FBN2: variants seen among roughly 807,000 people sequenced by gnomAD.
FBN2 encodes fibrillin-2.
Under a neutral mutation model 355.6 loss-of-function variants are expected in FBN2, and 105 were observed. That is an observed-to-expected ratio of 0.30 (90% CI 0.25 to 0.35). The LOEUF is 0.35. Ranked by LOEUF, FBN2 falls within the 10% of genes least tolerant of loss-of-function variation. FBN2 has a pLI of 1.00. For missense variants in FBN2, 3,280 were observed against 3,758.7 expected (o/e 0.87, Z 3.33); for synonymous variants, 1,350 against 1,301.2 (o/e 1.04, Z -0.81).
At chr5:128,328,480 A>C in intron 34 of FBN2, 1 of 637,410 alleles carries the variant, frequency 1.6e-6, no homozygotes, top group Non-Finnish European at 2.8e-6. Context: ...CAAACTTCCA[A>C]CTACTGGCTC....
At chr5:128,398,702 T>C (rs1752713675) in intron 8 of FBN2, among the ~76,000 whole-genome samples, 1 of 152,158 alleles carries the variant, frequency 6.6e-6, no homozygotes, top group South Asian at 2.1e-4. Context: ...CCTGTGTACA[T>C]CTGATATGGT....
At position 128,330,632 on chromosome 5, in the gene FBN2, G is replaced by A. The variant is rs771467729; in HGVS notation, c.4286C>T (p.Pro1429Leu). ...GGAGCAGGCACAGCGGTATGAGCCC[G>A]GGGTATTTACACACTGAGCATTGAT... The part of the protein sequence containing the change: ...CSINAQCVNT[P>L]GSYRCACSEG... Residue 1429 changes from proline (P) to leucine (L), a missense_variant, in exon 33 of 65, where the codon CCG (proline) becomes CTG (leucine). By Grantham distance (98) the Pro-to-Leu change is moderately conservative. Transcript: ENST00000262464. The A allele has an allele frequency of 2.0e-5, 32 of 1,613,744 alleles. No homozygotes were observed. The highest frequency in any genetic ancestry group is 8.3e-5 in the Admixed American group (5 of 59,986).
intron 5 of FBN2, among the ~76,000 whole-genome samples, chr5:128,491,564 G>A (rs114604284): frequency 6.2e-4 from 95 of 152,288 alleles, no homozygotes; most frequent in African/African-American, 2.1e-3. Flanking sequence ...GTAAGCTTAC[G>A]GCTTTGACAC....
At chr5:128,533,863 A>C (rs76455801) in intron 2 of FBN2, among the ~76,000 whole-genome samples, 1 of 143,058 alleles carries the variant, frequency 7.0e-6, no homozygotes, top group Non-Finnish European at 1.5e-5. Flanking sequence ...TAAGAAGATT[A>C]AAAAAAAAAA....
At chr5:128,280,147 A>C in intron 56 of FBN2, 45 bp downstream of exon 56, 1 of 1,540,230 alleles carries the variant, frequency 6.5e-7, no homozygotes, top group East Asian at 2.3e-5. Flanking sequence ...CATCATGAAC[A>C]GATGTTTTAT....
chr5:128,450,111 T>C (rs924655913), intron 6 of FBN2, among the ~76,000 whole-genome samples: 5 of 152,094 alleles, frequency 3.3e-5, no homozygotes, highest in Non-Finnish European at 7.4e-5. Context: ...CATTCTTCTC[T>C]TAACTAAAAG....
chr5:128,321,910 T>C (rs1350028475), intron 34 of FBN2, among the ~76,000 whole-genome samples: 3 of 152,140 alleles, frequency 2.0e-5, no homozygotes, highest in African/African-American at 4.8e-5. Flanking sequence ...CTCCCACCAA[T>C]AGTGTAAAAG....
chr5:128,396,904 C>A (rs527612047), intron 8 of FBN2, among the ~76,000 whole-genome samples: 1 of 152,282 alleles, frequency 6.6e-6, no homozygotes, highest in East Asian at 1.9e-4. Flanking sequence ...ATTCCATTAA[C>A]AGGTAAAGTT....
At chr5:128,458,044 C>T (rs763794058) in intron 6 of FBN2, among the ~76,000 whole-genome samples, 4 of 152,010 alleles carry the variant, frequency 2.6e-5, no homozygotes, top group East Asian at 1.9e-4. Flanking sequence ...CAAGACCCAT[C>T]GGTGTGCGTG....
At chr5:128,518,414 C>A (rs1368770694) in intron 5 of FBN2, among the ~76,000 whole-genome samples, 1 of 152,056 alleles carries the variant, frequency 6.6e-6, no homozygotes, top group Non-Finnish European at 1.5e-5. Context: ...AGCATCCATC[C>A]CTCCACCCCT....
intron 34 of FBN2, among the ~76,000 whole-genome samples, chr5:128,319,461 A>G (rs1041251947): frequency 6.7e-6 from 1 of 149,644 alleles, no homozygotes; most frequent in African/African-American, 2.4e-5. Flanking sequence ...GAGATATTAA[A>G]ATTAACTTTT....
At chr5:128,497,932 A>G (rs542779324) in intron 5 of FBN2, among the ~76,000 whole-genome samples, 45 of 152,290 alleles carry the variant, frequency 3.0e-4, no homozygotes, top group East Asian at 7.7e-4. Flanking sequence ...CAACCAATTT[A>G]TCCCTTTCTG....
intron 1 of FBN2, 149 bp downstream of exon 1, chr5:128,537,201 G>GC (rs1227389797): frequency 2.0e-5 from 26 of 1,329,766 alleles, no homozygotes; most frequent in Non-Finnish European, 2.5e-5. Flanking sequence ...ACGCGCTCCT[G>GC]GGGGTCTTTG....
rs577800816 is a variant in FBN2 at position 128,310,171 on chromosome 5, T to C, written c.5075-63A>G. On this transcript the variant is annotated intron_variant, in intron 39 of 64. Coordinates refer to ENST00000262464, the MANE Select transcript of FBN2 (RefSeq NM_001999.4). ...ATTTTTTCAATGAATTTATATTACT[T>C]AGATGACTGAACAAAGCATAGGTGA... The C allele has an allele frequency of 1.8e-4, 248 of 1,378,386 alleles. 1 individual carries two copies. The African/African-American group carries it at 3.2e-3, about 18-fold the overall frequency. The allele number at this position is 1,378,386 out of a possible 1,614,324, so 85.4% of individuals were successfully genotyped here.
At chr5:128,530,775 A>T in intron 2 of FBN2, 82 bp from the exon 3 acceptor site, 2 of 926,610 alleles carry the variant, frequency 2.2e-6, no homozygotes, top group South Asian at 2.9e-5. Context: ...GTATTTAAAA[A>T]TAAAAAGCCT....
intron 7 of FBN2, among the ~76,000 whole-genome samples, chr5:128,438,695 G>A (rs932789222): frequency 1.3e-5 from 2 of 152,058 alleles, no homozygotes; most frequent in African/African-American, 4.8e-5. Context: ...ACATTGTTCC[G>A]GGGAGACAAG....
Position 128,408,681 on chromosome 5 carries a change from T to A in FBN2, c.1071A>T (p.Arg357=). 6.2e-7 allele frequency: 1 copy of A among 1,613,960 alleles called. No individual in the cohort carries two copies. The highest frequency in any genetic ancestry group is 8.5e-7 in the Non-Finnish European group (1 of 1,179,902). ...RGYVTSTDGS[R]CIDQRTGMCF... ...TCAAAATGCGAGGCTTACCGATGCA[T>A]CGAGAGCCATCTGTTGAGGTTACAT... The change falls in exon 8 of 65, where the codon CGA becomes CGT. Residue 357 remains arginine, a synonymous_variant. Transcript: ENST00000262464.
chr5:128,313,809 C>G (rs924519461), intron 36 of FBN2, among the ~76,000 whole-genome samples: 2 of 143,852 alleles, frequency 1.4e-5, no homozygotes, highest in Non-Finnish European at 3.0e-5. Context: ...GCCGAGATCA[C>G]GCCACTGCAC....
At chr5:128,380,045 T>C (rs1372003711) in intron 11 of FBN2, among the ~76,000 whole-genome samples, 5 of 151,958 alleles carry the variant, frequency 3.3e-5, no homozygotes, top group Non-Finnish European at 7.4e-5. Context: ...GTAAAGGAAA[T>C]AAACTTCATA....
Sources: gnomAD v4.1 joint callset for allele counts (sites outside exome capture counted in the v4.1 genomes callset) on GRCh38, gnomAD v4.1.1 for gene constraint, MANE v1.5 for transcripts, NCBI Gene and HGNC (gene_info 2026-07-23, HGNC 2026-07-21) for gene names.